TBC1D22A: variants seen among roughly 807,000 people sequenced by gnomAD.
TBC1D22A encodes the protein TBC1 domain family member 22A.
In TBC1D22A, 38 loss-of-function variants were observed where a neutral mutation model predicts 60.2. That is an observed-to-expected ratio of 0.63 (90% CI 0.49 to 0.83). The LOEUF (loss-of-function observed/expected upper bound fraction) is 0.83. Ranked by LOEUF, TBC1D22A falls within the 40% of genes least tolerant of loss-of-function variation. The pLI is 0.00. For missense variants in TBC1D22A, 628 were observed against 701.0 expected (o/e 0.90, Z 1.18); for synonymous variants, 302 against 281.7 (o/e 1.07, Z -0.72).
intron 12 of TBC1D22A, among the ~76,000 whole-genome samples, chr22:47,114,545 G>C (rs2065962375): frequency 6.6e-6 from 1 of 152,094 alleles, no homozygotes; most frequent in African/African-American, 2.4e-5. Flanking sequence ...CAAACCTGAG[G>C]AGTCCTGGTG....
rs76989339 is a variant in TBC1D22A, at chr22:46,916,537, G to A, written c.1015+4349G>A. Among the ~76,000 whole-genome samples, 460 of 152,348 alleles carry A rather than the reference G, an allele frequency of 3.0e-3. 2 individuals carry two copies. Among genetic ancestry groups the A allele is most frequent in the African/African-American group, 0.011 (439 of 41,582 alleles). Reference sequence around the variant, plus strand: ...ACACACACATGCTGTGCACACAGGCGTGCAGGCACGTGCACGCGGACATAC... The same window carrying A: ...ACACACACATGCTGTGCACACAGGCATGCAGGCACGTGCACGCGGACATAC... On this transcript the variant is annotated intron_variant, in intron 8 of 12. Transcript: ENST00000337137.
chr22:47,036,447 G>T (rs753668029), intron 10 of TBC1D22A, among the ~76,000 whole-genome samples: 18 of 152,184 alleles, frequency 1.2e-4, no homozygotes, highest in East Asian at 1.9e-4. Context: ...AGAGGGGAGC[G>T]CATGTGGCTG....
chr22:46,970,939 T>A (rs1006777807), intron 8 of TBC1D22A, among the ~76,000 whole-genome samples: 3 of 152,158 alleles, frequency 2.0e-5, no homozygotes, highest in African/African-American at 7.2e-5. Context: ...CTGCAGCTTG[T>A]CCTGGCCCTC....
chr22:47,076,114 C>T (rs2064196320), intron 11 of TBC1D22A, among the ~76,000 whole-genome samples: 1 of 151,908 alleles, frequency 6.6e-6, no homozygotes, highest in Admixed American at 6.6e-5. Context: ...TTTATCTTAC[C>T]TTTCTCATTA....
chr22:47,171,760 C>T (rs574467939), intron 12 of TBC1D22A, among the ~76,000 whole-genome samples: 2 of 152,256 alleles, frequency 1.3e-5, no homozygotes, highest in East Asian at 1.9e-4. Context: ...TGGGGGGTCC[C>T]CCGAGGACCT....
At chr22:46,923,777 T>G (rs2070891315) in intron 8 of TBC1D22A, among the ~76,000 whole-genome samples, 1 of 152,248 alleles carries the variant, frequency 6.6e-6, no homozygotes. Flanking sequence ...TGTTTCATGT[T>G]TTTTTCCCAC....
chr22:46,936,555 AT>A (rs2147918257), intron 8 of TBC1D22A, among the ~76,000 whole-genome samples: 1 of 152,364 alleles, frequency 6.6e-6, no homozygotes, highest in East Asian at 1.9e-4. Context: ...TTACCAAACA[AT>A]TTTGGCGGAC....
chr22:47,147,556 C>T (rs1345830829), intron 12 of TBC1D22A, among the ~76,000 whole-genome samples: 1 of 152,242 alleles, frequency 6.6e-6, no homozygotes, highest in Non-Finnish European at 1.5e-5. Context: ...ATAGTGCCCT[C>T]AGAGAGGCCT....
chr22:47,062,087 CAAAAAAAAAA>C (rs908701365), intron 11 of TBC1D22A, among the ~76,000 whole-genome samples: 1 of 62,998 alleles, frequency 1.6e-5, no homozygotes, highest in Non-Finnish European at 2.7e-5. Context: ...GACTCCATCT[CAAAAAAAAAA>C]AAAAAAAAAA....
intron 4 of TBC1D22A, among the ~76,000 whole-genome samples, chr22:46,826,614 A>G (rs1417360328): frequency 6.6e-6 from 1 of 152,138 alleles, no homozygotes; most frequent in Non-Finnish European, 1.5e-5. Context: ...ATGCAGGTGG[A>G]GCTTGGGCAC....
chr22:47,147,354 A>G (rs956989377), intron 12 of TBC1D22A, among the ~76,000 whole-genome samples: 1 of 152,188 alleles, frequency 6.6e-6, no homozygotes, highest in Non-Finnish European at 1.5e-5. Flanking sequence ...GACTCCTGTT[A>G]CCTTTTAATA....
intron 4 of TBC1D22A, among the ~76,000 whole-genome samples, chr22:46,826,442 C>G (rs1440544238): frequency 1.3e-5 from 2 of 152,192 alleles, no homozygotes; most frequent in Non-Finnish European, 2.9e-5. Flanking sequence ...AAAGATATGC[C>G]TATTTTTAAG....
At chr22:46,932,625 G>T (rs993787296) in intron 8 of TBC1D22A, among the ~76,000 whole-genome samples, 21 of 151,986 alleles carry the variant, frequency 1.4e-4, no homozygotes, top group Non-Finnish European at 1.5e-5. Context: ...TTGGGTGGGT[G>T]GCAAGGGGCG....
intron 10 of TBC1D22A, among the ~76,000 whole-genome samples, chr22:47,019,081 C>T (rs985699619): frequency 3.9e-5 from 6 of 152,212 alleles, no homozygotes; most frequent in African/African-American, 7.2e-5. Flanking sequence ...AGCCACAGCC[C>T]CTCTTCACTC....
intron 1 of TBC1D22A, chr22:46,773,831 G>T: frequency 1.5e-6 from 1 of 660,574 alleles, no homozygotes; most frequent in Non-Finnish European, 1.9e-6. Flanking sequence ...GGGTGGTACC[G>T]TGTGGTCCCT....
chr22:47,159,618 TAC>T (rs980282726), intron 12 of TBC1D22A, among the ~76,000 whole-genome samples: 2 of 151,164 alleles, frequency 1.3e-5, no homozygotes, highest in Non-Finnish European at 3.0e-5. Context: ...ACATACACTA[TAC>T]ACACACACCA....
At chr22:46,941,597 AAT>A (rs1048527172) in intron 8 of TBC1D22A, among the ~76,000 whole-genome samples, 10 of 148,192 alleles carry the variant, frequency 6.7e-5, no homozygotes, top group Non-Finnish European at 1.3e-4. Flanking sequence ...ATATATACGG[AAT>A]ATATATACGC....
At chr22:46,908,983 C>T (rs971450349) in intron 7 of TBC1D22A, among the ~76,000 whole-genome samples, 14 of 152,250 alleles carry the variant, frequency 9.2e-5, no homozygotes, top group African/African-American at 3.4e-4. Flanking sequence ...CCCCGGCCTG[C>T]GCAGATCTCT....
chr22:46,800,952 C>T, intron 4 of TBC1D22A, among the ~76,000 whole-genome samples: 1 of 152,166 alleles, frequency 6.6e-6, no homozygotes, highest in East Asian at 1.9e-4. Context: ...GGGTCAGGCT[C>T]TGAGTACCCA....
Sources: gnomAD v4.1 joint callset for allele counts (sites outside exome capture counted in the v4.1 genomes callset) on GRCh38, gnomAD v4.1.1 for gene constraint, MANE v1.5 for transcripts, NCBI Gene and HGNC (gene_info 2026-07-23, HGNC 2026-07-21) for gene names.